Variants in GGA2 observed in about 807,000 individuals in gnomAD.
GGA2 encodes ADP-ribosylation factor-binding protein GGA2.
A neutral mutation model predicts 79.5 loss-of-function variants in GGA2; 48 were observed. The ratio of observed to expected loss-of-function variants is 0.60; its 90% CI spans 0.48 to 0.77. GGA2 has a LOEUF of 0.77. Ranked by LOEUF, GGA2 falls within the 30% of genes least tolerant of loss-of-function variation. GGA2 has a pLI of 0.00. For synonymous variants in GGA2, 317 were observed against 302.0 expected, an observed-to-expected ratio of 1.05 and a Z score of -0.51; for missense variants, 770 against 774.0, an observed-to-expected ratio of 0.99 and a Z score of 0.06.
chr16:23,478,755 C>T, intron 12 of GGA2, 128 bp downstream of exon 12: 2 of 785,604 alleles, frequency 2.5e-6, no homozygotes, highest in Admixed American at 1.8e-5. Flanking sequence ...AGGCTTTGGA[C>T]CTCCAAGGCC....
chr16:23,490,758 T>G (rs1596987859), intron 5 of GGA2, among the ~76,000 whole-genome samples: 1 of 150,840 alleles, frequency 6.6e-6, no homozygotes, highest in South Asian at 2.1e-4. Flanking sequence ...AAAAAAGAAG[T>G]AAATAAAAAT....
chr16:23,501,192 G>A (rs1161109181), intron 1 of GGA2: 1 of 446,028 alleles, frequency 2.2e-6, no homozygotes, highest in Non-Finnish European at 4.5e-6. Context: ...TCTTTTTCAA[G>A]TCATAAAACT....
chr16:23,478,579 C>A, intron 12 of GGA2, 78 bp from the exon 13 acceptor site: 1 of 1,386,466 alleles, frequency 7.2e-7, no homozygotes, highest in South Asian at 1.2e-5. Context: ...GCACAGCTCT[C>A]CTGAGCCCAC....
At chr16:23,519,648 G>A (rs1965123995) in intron 1 of GGA2, 2 of 414,892 alleles carry the variant, frequency 4.8e-6, no homozygotes, top group Non-Finnish European at 9.7e-6. Flanking sequence ...GCCTGCAGAG[G>A]GAAAACAAGG....
chr16:23,519,041 CTTT>C (rs368986914), intron 2 of GGA2, among the ~76,000 whole-genome samples: 1,903 of 104,572 alleles, frequency 0.018, 43 homozygotes, highest in African/African-American at 0.066. Context: ...CGGATACTGT[CTTT>C]TTTTTTTTTT....
At chr16:23,481,871 T>C (rs1489212625) in intron 9 of GGA2, among the ~76,000 whole-genome samples, 3 of 152,184 alleles carry the variant, frequency 2.0e-5, no homozygotes, top group Admixed American at 6.5e-5. Flanking sequence ...TTTTCTTTTA[T>C]GTCTGATTTA....
intron 3 of GGA2, 130 bp from the exon 4 acceptor site, chr16:23,493,588 C>G: frequency 3.1e-6 from 2 of 652,872 alleles, no homozygotes; most frequent in Non-Finnish European, 5.5e-6. Context: ...TATGAGGACA[C>G]TGAAGTTTTG....
intron 16 of GGA2, 70 bp downstream of exon 16, chr16:23,468,816 C>G (rs1296524172): frequency 3.5e-6 from 3 of 854,048 alleles, no homozygotes; most frequent in Non-Finnish European, 6.1e-6. Context: ...CCTCTCTCTA[C>G]CCACAAAGTT....
Position 23,470,073 on chromosome 16 carries a change from G to A in GGA2, c.1543C>T (p.Gln515Ter). 1 of 1,610,356 alleles carries A rather than the reference G, an allele frequency of 6.2e-7. No homozygotes were observed. The highest frequency in any genetic ancestry group is 8.5e-7 in the Non-Finnish European group (1 of 1,178,288). ...QTGAPGHPEV[Q>*]VLLLTMMSTA... The stretch of plus-strand genomic sequence containing the variant: ...CTCATCATGGTCAAGAGCAGCACCT[G>A]TACCTCTGGGTGCCCAGGGGCTCCC... The change falls in exon 15 of 17, where the codon CAG (glutamine) becomes TAG (stop). Residue 515 changes from glutamine to a stop codon, truncating the protein, a stop_gained. Coordinates refer to ENST00000309859, the MANE Select transcript of GGA2 (RefSeq NM_015044.4). LOFTEE classifies it high-confidence loss of function.
chr16:23,486,874 A>G (rs1964720634), intron 6 of GGA2, 84 bp from the exon 7 acceptor site: 10 of 823,882 alleles, frequency 1.2e-5, no homozygotes, highest in Non-Finnish European at 2.2e-5. Context: ...AAGAGTTAAC[A>G]CTAACAACAG....
chr16:23,501,557 G>C (rs762911700), intron 1 of GGA2: 3 of 333,392 alleles, frequency 9.0e-6, no homozygotes, highest in Non-Finnish European at 1.8e-5. Context: ...ACAGAAACTG[G>C]AGGCTGTGTC....
chr16:23,486,240 A>C (rs754721982), intron 7 of GGA2, 88 bp from the exon 8 acceptor site: 1 of 1,217,604 alleles, frequency 8.2e-7, no homozygotes, highest in Non-Finnish European at 1.2e-6. Context: ...CACTATTGAG[A>C]GAGCTCGCTC....
intron 1 of GGA2, among the ~76,000 whole-genome samples, chr16:23,505,352 G>A (rs1384894638): frequency 3.3e-5 from 5 of 152,114 alleles, no homozygotes; most frequent in South Asian, 2.1e-4. Context: ...TTTTAATAGC[G>A]CAAGGCTAGC....
At chr16:23,472,709 A>C (rs1964526487) in intron 14 of GGA2, among the ~76,000 whole-genome samples, 1 of 151,108 alleles carries the variant, frequency 6.6e-6, no homozygotes, top group East Asian at 2.0e-4. Context: ...CCTTGTCTCA[A>C]AAATAAAATA....
At chr16:23,514,952 C>G (rs2142151023), upstream of GGA2, among the ~76,000 whole-genome samples, 1 of 152,164 alleles carries the variant, frequency 6.6e-6, no homozygotes, top group Non-Finnish European at 1.5e-5. Flanking sequence ...TGTAATAGAT[C>G]TCCATCTGAC....
At chr16:23,491,398 CT>C (rs1231185867) in intron 5 of GGA2, among the ~76,000 whole-genome samples, 2 of 150,216 alleles carry the variant, frequency 1.3e-5, no homozygotes, top group African/African-American at 4.9e-5. Context: ...ACATAGGTAG[CT>C]TGTATTTTGA....
At chr16:23,485,892 G>A in intron 8 of GGA2, 123 bp downstream of exon 8, 1 of 859,220 alleles carries the variant, frequency 1.2e-6, no homozygotes, top group East Asian at 2.5e-5. Flanking sequence ...AACGACATTT[G>A]GGGAGGTGTC....
Position 23,510,337 on chromosome 16 carries a change from C to A in GGA2, c.75G>T (p.Ser25=), listed in dbSNP as rs1229353680. 1 of 1,436,162 alleles carries A rather than the reference C, an allele frequency of 7.0e-7. No homozygotes were observed. Among genetic ancestry groups the A allele is most frequent in the Non-Finnish European group, 9.1e-7 (1 of 1,095,444 alleles). The allele number at this position is 1,436,162 out of a possible 1,614,324, so 89.0% of individuals were successfully genotyped here. A position where few individuals can be genotyped will look rare whatever the true frequency, so the allele number is the denominator to read the frequency against. The change falls in exon 1 of 17, where the codon TCG becomes TCT. Residue 25 remains serine (S), a synonymous_variant. Transcript: ENST00000309859. ...GCTACTCACTGAGCCACAGCTCCAG[C>A]GACGCTGCCGGGCCCGGGGGACCCT... ...SAQGPPGPAA[S]LELWLNKATD...
At chr16:23,508,352 A>G (rs1964998673) in intron 1 of GGA2, among the ~76,000 whole-genome samples, 1 of 152,074 alleles carries the variant, frequency 6.6e-6, no homozygotes, top group African/African-American at 2.4e-5. Flanking sequence ...AGGCATGAAC[A>G]GCCTTTTTTT....
Sources: gnomAD v4.1 joint callset for allele counts (sites outside exome capture counted in the v4.1 genomes callset) on GRCh38, gnomAD v4.1.1 for gene constraint, MANE v1.5 for transcripts, NCBI Gene and HGNC (gene_info 2026-07-23, HGNC 2026-07-21) for gene names.